TRPC6: variants seen among roughly 807,000 people sequenced by gnomAD.
TRPC6 encodes the protein transient receptor potential cation channel subfamily C member 6.
A neutral mutation model predicts 90.7 loss-of-function variants in TRPC6; 55 were observed. The observed-to-expected ratio is 0.61, with a 90% CI of 0.49 to 0.76. The LOEUF (loss-of-function observed/expected upper bound fraction) is 0.76, where lower values mean the gene tolerates loss of function less well. Among genes scored for constraint, TRPC6 ranks in the 30% least tolerant of loss-of-function variants. TRPC6 has a pLI of 0.00. For missense variants in TRPC6, 989 were observed against 1,122.7 expected, an observed-to-expected ratio of 0.88 and a Z score of 1.70; for synonymous variants, 393 against 393.0, an observed-to-expected ratio of 1.00 and a Z score of 0.00.
chr11:101,453,291 A>G (rs1858805911), intron 12 of TRPC6, among the ~76,000 whole-genome samples, 185 bp from the exon 13 acceptor site: 1 of 152,166 alleles, frequency 6.6e-6, no homozygotes, highest in Non-Finnish European at 1.5e-5. Flanking sequence ...GTGAATGAAG[A>G]GATTATAGCA....
At chr11:101,512,973 G>C (rs956041523) in intron 1 of TRPC6, among the ~76,000 whole-genome samples, 1 of 152,194 alleles carries the variant, frequency 6.6e-6, no homozygotes, top group African/African-American at 2.4e-5. Context: ...GGAACTCTAG[G>C]AGTATGTGTG....
rs981177999 is a variant in TRPC6 at position 101,506,979 on chromosome 11, T to C, written c.171-2181A>G. On this transcript the variant is annotated intron_variant, in intron 1 of 12. Transcript: ENST00000344327. ...TACCTATGGACTTCCCATTACACCATACCTTCACGTATCTCTCTCTCTCTC... is the reference window on the plus strand; with the variant it reads ...TACCTATGGACTTCCCATTACACCACACCTTCACGTATCTCTCTCTCTCTC... Among the ~76,000 whole-genome samples the C allele has an allele frequency of 4.8e-5, 7 of 146,352 alleles. No individual in the cohort carries two copies. The East Asian group carries it at 1.2e-3, about 25-fold the overall frequency.
At chr11:101,512,940 A>G (rs1860429245) in intron 1 of TRPC6, among the ~76,000 whole-genome samples, 1 of 152,228 alleles carries the variant, frequency 6.6e-6, no homozygotes, top group Non-Finnish European at 1.5e-5. Flanking sequence ...CAATTATAAG[A>G]CAATCTGAAA....
Position 101,476,498 on chromosome 11 carries a change from T to A in TRPC6, c.1547A>T (p.Gln516Leu), listed in dbSNP as rs1859420737. 3 of 1,613,550 alleles carry A rather than the reference T, an allele frequency of 1.9e-6. No homozygotes were observed. Among genetic ancestry groups the A allele is most frequent in the Non-Finnish European group, 2.5e-6 (3 of 1,179,610 alleles). Residue 516 changes from glutamine to leucine, a missense_variant, in exon 6 of 13, where the codon CAG becomes CTG. Physicochemically the swap from Gln to Leu is moderately radical, Grantham distance 113. Transcript: ENST00000344327. ...CTCAAACAAATATTCCTTGGGGCCC[T>A]GAGTCCAGATTTCTTTACATTCAGC... ...IWAECKEIWT[Q>L]GPKEYLFELW...
At position 101,473,721 on chromosome 11, in the gene TRPC6, A is replaced by G; in HGVS notation, c.1797T>C (p.Tyr599=). Residue 599 remains tyrosine, a synonymous_variant, in exon 7 of 13, where the codon TAT becomes TAC. Coordinates refer to ENST00000344327, the MANE Select transcript of TRPC6 (RefSeq NM_004621.6). ...AGAAACTTAAAACTACAGCAATTGCATAAAGACCTTCAGATATTATTTGAG... is the reference window on the plus strand; with the variant it reads ...AGAAACTTAAAACTACAGCAATTGCGTAAAGACCTTCAGATATTATTTGAG... ...SDPQIISEGL[Y]AIAVVLSFSR... is the part of the protein sequence containing the mutation. The G allele has an allele frequency of 6.2e-7, 1 of 1,613,812 alleles. No homozygotes were observed. Among genetic ancestry groups the G allele is most frequent in the Middle Eastern group, 1.7e-4 (1 of 6,052 alleles).
chr11:101,578,218 C>T (rs1591152650), intron 1 of TRPC6, among the ~76,000 whole-genome samples: 2 of 152,190 alleles, frequency 1.3e-5, no homozygotes, highest in South Asian at 4.1e-4. Context: ...ACAGATGTTT[C>T]AATGAACATA....
At chr11:101,485,885 C>T (rs1180749220) in intron 4 of TRPC6, among the ~76,000 whole-genome samples, 3 of 152,094 alleles carry the variant, frequency 2.0e-5, no homozygotes, top group Admixed American at 6.6e-5. Context: ...ACTCTAAAGT[C>T]AATCTTCAAT....
chr11:101,547,083 C>A (rs531540257), intron 1 of TRPC6, among the ~76,000 whole-genome samples: 2 of 152,190 alleles, frequency 1.3e-5, no homozygotes, highest in South Asian at 4.1e-4. Context: ...AGAAAGAGGT[C>A]CATGGGAATC....
intron 2 of TRPC6, among the ~76,000 whole-genome samples, chr11:101,499,502 A>G (rs979747151): frequency 6.7e-6 from 1 of 150,088 alleles, no homozygotes; most frequent in Non-Finnish European, 1.5e-5. Flanking sequence ...TATATATCCT[A>G]TCAACAAAGA....
At chr11:101,473,424 T>C (rs1303872050) in intron 7 of TRPC6, 85 bp downstream of exon 7, 16 of 1,492,642 alleles carry the variant, frequency 1.1e-5, no homozygotes, top group Non-Finnish European at 1.4e-5. Flanking sequence ...ACCAAAACAT[T>C]ATCCCATGGA....
intron 1 of TRPC6, among the ~76,000 whole-genome samples, chr11:101,563,246 AG>A (rs1309240420): frequency 6.6e-6 from 1 of 152,196 alleles, no homozygotes; most frequent in East Asian, 1.9e-4. Context: ...ACTGATTATA[AG>A]GTTGATTAGA....
rs764878302 is a variant in TRPC6, at chr11:101,504,217, T to C, written c.752A>G (p.Tyr251Cys). 1 of 1,614,118 alleles carries C rather than the reference T, an allele frequency of 6.2e-7. No homozygotes were observed. Among genetic ancestry groups the C allele is most frequent in the Admixed American group, 1.7e-5 (1 of 59,996 alleles). Residue 251 changes from tyrosine (Y) to cysteine (C), a missense_variant, in exon 2 of 13, where the codon TAT becomes TGT. Tyr to Cys is a radical substitution (Grantham distance 194). This residue lies in a region of TRPC6 where 486 missense variants were observed against 591.9 expected (regional missense o/e 0.82). Coordinates refer to ENST00000344327, the MANE Select transcript of TRPC6 (RefSeq NM_004621.6). The part of the protein sequence containing the change: ...KGARIERPHD[Y>C]FCKCNDCNQK... ...GTTGCAGTCATTGCACTTGCAGAAA[T>C]AATCATGAGGCCGTTCAATCCTAGC...
chr11:101,457,210 G>A (rs1420046763), intron 10 of TRPC6, among the ~76,000 whole-genome samples: 2 of 152,138 alleles, frequency 1.3e-5, no homozygotes, highest in South Asian at 2.1e-4. Flanking sequence ...AAGCAAGAAG[G>A]ACTGGATGCA....
chr11:101,526,155 T>C (rs938407127), intron 1 of TRPC6, among the ~76,000 whole-genome samples: 1 of 152,192 alleles, frequency 6.6e-6, no homozygotes, highest in African/African-American at 2.4e-5. Flanking sequence ...GGTATAAATA[T>C]GAATCTCTCT....
chr11:101,583,071 A>C, intron 1 of TRPC6: 6 of 619,874 alleles, frequency 9.7e-6, no homozygotes, highest in South Asian at 7.1e-5. Flanking sequence ...TGGTGGTGTT[A>C]CTATGCGGTC....
chr11:101,471,090 T>A, intron 9 of TRPC6, 93 bp downstream of exon 9: 2 of 1,260,252 alleles, frequency 1.6e-6, no homozygotes, highest in Non-Finnish European at 1.1e-6. Flanking sequence ...GGATGTGTCA[T>A]CAGGAACTGC....
chr11:101,490,289 T>C (rs1859774799), intron 3 of TRPC6, among the ~76,000 whole-genome samples: 1 of 152,222 alleles, frequency 6.6e-6, no homozygotes, highest in Admixed American at 6.5e-5. Flanking sequence ...TTATATAAAG[T>C]TGTCCAAGAA....
chr11:101,560,269 C>T lies in TRPC6; in HGVS notation c.170+23065G>A, dbSNP rs190018454. On this transcript the variant is annotated intron_variant, in intron 1 of 12. Transcript: ENST00000344327. Reference sequence around the variant, plus strand: ...CATTTGAAAAAATCAGAACACTTCACATATAAAACCTTAATTCTGGCTTCT... The same window carrying T: ...CATTTGAAAAAATCAGAACACTTCATATATAAAACCTTAATTCTGGCTTCT... 2.6e-3 allele frequency among the ~76,000 whole-genome samples: 398 copies of T among 151,470 alleles called. 2 individuals are homozygous for T. The highest frequency in any genetic ancestry group is 9.3e-3 in the African/African-American group (384 of 41,300).
chr11:101,557,052 G>C (rs1049435939), intron 1 of TRPC6, among the ~76,000 whole-genome samples: 3 of 152,110 alleles, frequency 2.0e-5, no homozygotes, highest in Admixed American at 6.6e-5. Flanking sequence ...ATAGAAGAAA[G>C]GTACCTCAAT....
Sources: allele counts gnomAD v4.1 joint callset (sites outside exome capture counted in the v4.1 genomes callset), GRCh38; gene constraint gnomAD v4.1.1; regional missense constraint gnomAD v4.1.1; transcripts MANE v1.5; gene names NCBI Gene and HGNC (gene_info 2026-07-23, HGNC 2026-07-21).